Variants in C2CD3 observed in about 807,000 individuals in gnomAD.
C2CD3 encodes the protein C2 domain containing 3 centriole elongation regulator.
A neutral mutation model predicts 234.0 loss-of-function variants in C2CD3; 148 were observed. That is an observed-to-expected ratio of 0.63 (90% CI 0.55 to 0.72). The LOEUF is 0.72. Among genes scored for constraint, C2CD3 ranks in the 30% least tolerant of loss-of-function variants. The probability of loss-of-function intolerance (pLI) is 0.00; values close to 1 mark genes in which losing one functional copy is unlikely to be tolerated. For missense variants in C2CD3, 2,577 were observed against 2,811.5 expected, an observed-to-expected ratio of 0.92 and a Z score of 1.89; for synonymous variants, 1,000 against 1,035.4, an observed-to-expected ratio of 0.97 and a Z score of 0.66.
At chr11:74,035,948 C>T (rs556087119) in intron 30 of C2CD3, among the ~76,000 whole-genome samples, 89 of 152,218 alleles carry the variant, frequency 5.8e-4, no homozygotes, top group Non-Finnish European at 1.1e-3. Flanking sequence ...GCAACCTCTG[C>T]CCCTGCATTC....
chr11:74,080,765 A>G (rs1197722598), intron 22 of C2CD3, among the ~76,000 whole-genome samples: 1 of 152,116 alleles, frequency 6.6e-6, no homozygotes, highest in Non-Finnish European at 1.5e-5. Flanking sequence ...GAAGGAAGGA[A>G]ATTGAGGTAT....
chr11:74,133,416 G>T lies in C2CD3; in HGVS notation c.1088+9C>A. On this transcript the variant is annotated intron_variant, in intron 6 of 32. Transcript: ENST00000334126. The stretch of plus-strand genomic sequence containing the variant: ...GAACTGTTAAGGTTCTGTCTATCCT[G>T]TAACTTACTGTGTTGATGCTCTAAG... 6.2e-7 allele frequency: 1 copy of T among 1,612,402 alleles called. No homozygotes were observed. The highest frequency in any genetic ancestry group is 8.5e-7 in the Non-Finnish European group (1 of 1,178,586).
chr11:74,057,663 A>G, intron 24 of C2CD3, 119 bp from the exon 25 acceptor site: 1 of 1,028,940 alleles, frequency 9.7e-7, no homozygotes, highest in Middle Eastern at 2.3e-4. Flanking sequence ...TGCTCAAGCT[A>G]TCCCCCTGTG....
At chr11:74,143,699 T>G (rs1854966104) in intron 3 of C2CD3, among the ~76,000 whole-genome samples, 1 of 151,686 alleles carries the variant, frequency 6.6e-6, no homozygotes, top group African/African-American at 2.4e-5. Flanking sequence ...TTTACTAAAA[T>G]TGCGTTGAAA....
chr11:74,069,967 C>G (rs1158288354), intron 24 of C2CD3, among the ~76,000 whole-genome samples: 1 of 152,172 alleles, frequency 6.6e-6, no homozygotes, highest in Non-Finnish European at 1.5e-5. Context: ...AAAGACTATG[C>G]TAAAAGCACA....
intron 31 of C2CD3, among the ~76,000 whole-genome samples, chr11:74,033,022 T>G (rs971822356): frequency 2.6e-5 from 4 of 152,224 alleles, no homozygotes; most frequent in African/African-American, 9.6e-5. Flanking sequence ...CTAGACCCTC[T>G]GCTTCTCTTT....
intron 29 of C2CD3, 33 bp downstream of exon 29, chr11:74,042,021 G>A (rs527849963): frequency 1.4e-5 from 22 of 1,609,070 alleles, no homozygotes; most frequent in Middle Eastern, 1.7e-4. Flanking sequence ...GCCCCACTAT[G>A]GTTTCCTGTG....
At chr11:74,031,593 A>C (rs1565209580) in intron 31 of C2CD3, among the ~76,000 whole-genome samples, 1 of 152,216 alleles carries the variant, frequency 6.6e-6, no homozygotes, top group Non-Finnish European at 1.5e-5. Context: ...ACTTGGCACA[A>C]TAAACTGTCA....
chr11:74,100,855 G>A (rs1032523489), intron 14 of C2CD3, among the ~76,000 whole-genome samples, 179 bp from the exon 15 acceptor site: 3 of 152,196 alleles, frequency 2.0e-5, no homozygotes, highest in African/African-American at 4.8e-5. Flanking sequence ...TCTGCTGTTA[G>A]AGACTAACAC....
chr11:74,024,216 A>C (rs1204322550), intron 32 of C2CD3, among the ~76,000 whole-genome samples: 1 of 152,244 alleles, frequency 6.6e-6, no homozygotes, highest in Non-Finnish European at 1.5e-5. Context: ...TTCTTATAAG[A>C]AACAATGGAG....
At chr11:74,049,123 A>C (rs1953541743) in intron 27 of C2CD3, among the ~76,000 whole-genome samples, 1 of 152,212 alleles carries the variant, frequency 6.6e-6, no homozygotes, top group African/African-American at 2.4e-5. Context: ...AAAAAGCTCA[A>C]TTCACTGGTT....
chr11:74,017,443 ATG>A (rs1356907887), intron 32 of C2CD3, among the ~76,000 whole-genome samples: 1 of 152,176 alleles, frequency 6.6e-6, no homozygotes, highest in Non-Finnish European at 1.5e-5. Context: ...CTGATAATAG[ATG>A]TGTCTTAAAA....
At chr11:74,132,404 T>A in intron 7 of C2CD3, among the ~76,000 whole-genome samples, 1 of 152,200 alleles carries the variant, frequency 6.6e-6, no homozygotes, top group East Asian at 1.9e-4. Flanking sequence ...TCAAGCATTG[T>A]GTTACTCCTC....
At chr11:74,046,114 GAATAC>G (rs904942146) in intron 28 of C2CD3, among the ~76,000 whole-genome samples, 3 of 152,068 alleles carry the variant, frequency 2.0e-5, no homozygotes, top group Non-Finnish European at 2.9e-5. Flanking sequence ...CATATTTAAA[GAATAC>G]AATTTGATGA....
At chr11:74,027,053 T>C (rs1952331722) in intron 32 of C2CD3, among the ~76,000 whole-genome samples, 1 of 152,086 alleles carries the variant, frequency 6.6e-6, no homozygotes. Flanking sequence ...AGTTTCTTTA[T>C]ATATACACAG....
chr11:74,062,006 A>G (rs1954274154), intron 24 of C2CD3, among the ~76,000 whole-genome samples: 1 of 152,200 alleles, frequency 6.6e-6, no homozygotes, highest in South Asian at 2.1e-4. Flanking sequence ...TTAAACCAAC[A>G]AAGATCAAAA....
chr11:74,132,524 T>C (rs1275680155), intron 7 of C2CD3, among the ~76,000 whole-genome samples: 15 of 152,192 alleles, frequency 9.9e-5, no homozygotes, highest in Admixed American at 9.2e-4. Flanking sequence ...ACAAAGCTAA[T>C]TAGAGATGAA....
intron 9 of C2CD3, among the ~76,000 whole-genome samples, chr11:74,115,507 C>T (rs1956895925): frequency 6.6e-6 from 1 of 152,104 alleles, no homozygotes; most frequent in Non-Finnish European, 1.5e-5. Context: ...TTAAATTATA[C>T]CTATCTTGGT....
chr11:74,023,271 C>T (rs1050761037), intron 32 of C2CD3, among the ~76,000 whole-genome samples: 7 of 152,230 alleles, frequency 4.6e-5, no homozygotes, highest in Admixed American at 6.5e-5. Flanking sequence ...AGCCCTGACC[C>T]GGAAGCAGAT....
Sources: allele counts gnomAD v4.1 joint callset (sites outside exome capture counted in the v4.1 genomes callset), GRCh38; gene constraint gnomAD v4.1.1; transcripts MANE v1.5; gene names NCBI Gene and HGNC (gene_info 2026-07-23, HGNC 2026-07-21).